The following BRD8 variants were observed in gnomAD, a reference collection of about 807,000 sequenced individuals.
BRD8 encodes the protein bromodomain containing 8.
A neutral mutation model predicts 143.1 loss-of-function variants in BRD8; 67 were observed. That is an observed-to-expected ratio of 0.47 (90% CI 0.38 to 0.57). BRD8 has a LOEUF of 0.57. BRD8 is among the 20% of genes least tolerant of loss of function. BRD8 has a pLI of 0.00. For synonymous variants in BRD8, 505 were observed against 517.1 expected (o/e 0.98, Z 0.32); for missense variants, 1,103 against 1,503.0 (o/e 0.73, Z 4.40).
intron 25 of BRD8, among the ~76,000 whole-genome samples, chr5:138,142,624 G>T (rs903040082): frequency 6.6e-6 from 1 of 151,860 alleles, no homozygotes; most frequent in African/African-American, 2.4e-5. Flanking sequence ...TTAGCTGGGC[G>T]TGGTGACGTG....
intron 17 of BRD8, among the ~76,000 whole-genome samples, chr5:138,161,461 G>A (rs1392358213): frequency 1.3e-5 from 2 of 152,032 alleles, no homozygotes; most frequent in African/African-American, 4.8e-5. Flanking sequence ...GACTACAAAT[G>A]CGCGACACCA....
At chr5:138,163,414 C>T in intron 14 of BRD8, 70 bp from the exon 15 acceptor site, 1 of 1,560,026 alleles carries the variant, frequency 6.4e-7, no homozygotes, top group South Asian at 1.1e-5. Flanking sequence ...TAAACATGAT[C>T]TGTCTTTTGG....
At chr5:138,170,479 A>G (rs773283903) in intron 6 of BRD8, 70 bp from the exon 7 acceptor site, 4 of 1,574,918 alleles carry the variant, frequency 2.5e-6, no homozygotes, top group Non-Finnish European at 3.5e-6. Context: ...GAACCCTTAC[A>G]AAGTAATTTT....
rs769959527 is a variant in BRD8, at chr5:138,167,939, G to A, written c.782C>T (p.Ala261Val). The A allele has an allele frequency of 3.7e-5, 60 of 1,613,656 alleles. No individual in the cohort carries two copies. The highest frequency in any genetic ancestry group is 7.7e-5 in the South Asian group (7 of 91,076). Residue 261 changes from alanine to valine, a missense_variant, in exon 9 of 27, where the codon GCA becomes GTA. Physicochemically the swap from Ala to Val is moderately conservative, Grantham distance 64. Coordinates refer to ENST00000254900, the MANE Select transcript of BRD8 (RefSeq NM_139199.2). ...AAGGAAAAGTGGTAACTTACCTGAT[G>A]CAGCAGGGGAGGCTGCAACAGTATT... Reference protein sequence around the residue: ...TPNTVAASPAASGAPTLSRLL... With the variant: ...TPNTVAASPAVSGAPTLSRLL...
chr5:138,161,648 A>T, intron 17 of BRD8, 148 bp downstream of exon 17: 1 of 688,716 alleles, frequency 1.5e-6, no homozygotes, highest in Non-Finnish European at 2.4e-6. Context: ...TGATCTAGCC[A>T]CTGGAATTAT....
chr5:138,177,344 A>T, intron 2 of BRD8: 1 of 302,512 alleles, frequency 3.3e-6, no homozygotes, highest in Non-Finnish European at 6.3e-6. Flanking sequence ...AGCCTGGCCA[A>T]CATGGCGAAA....
At chr5:138,167,304 T>C (rs1753518732) in intron 9 of BRD8, among the ~76,000 whole-genome samples, 1 of 151,772 alleles carries the variant, frequency 6.6e-6, no homozygotes. Flanking sequence ...AGGGTGGTAA[T>C]TTTTCCTCAG....
At chr5:138,175,605 T>C (rs1754255662) in intron 2 of BRD8, among the ~76,000 whole-genome samples, 1 of 150,404 alleles carries the variant, frequency 6.6e-6, no homozygotes, top group Non-Finnish European at 1.5e-5. Flanking sequence ...CTCAGGATGC[T>C]AAACTGGGAG....
At chr5:138,159,366 C>CCA (rs147319777) in intron 20 of BRD8, among the ~76,000 whole-genome samples, 189 bp downstream of exon 20, 177 of 150,408 alleles carry the variant, frequency 1.2e-3, no homozygotes, top group African/African-American at 2.9e-3. Flanking sequence ...CCTACCCAGC[C>CCA]CACACACACA....
chr5:138,165,313 G>C, intron 11 of BRD8, 147 bp from the exon 12 acceptor site: 1 of 813,754 alleles, frequency 1.2e-6, no homozygotes, highest in Non-Finnish European at 1.9e-6. Flanking sequence ...AGAGGCACCT[G>C]TCCTGTGCAA....
intron 8 of BRD8, 51 bp downstream of exon 8, chr5:138,169,171 C>A: frequency 6.3e-7 from 1 of 1,587,950 alleles, no homozygotes; most frequent in Non-Finnish European, 8.6e-7. Context: ...TCAGCTCTGC[C>A]GGCTTATTGC....
rs1210623530 is a variant in BRD8 at position 138,153,128 on chromosome 5, C to T, written c.2578-368G>A. On this transcript the variant is annotated intron_variant, in intron 20 of 26. Coordinates refer to ENST00000254900, the MANE Select transcript of BRD8 (RefSeq NM_139199.2). ...TTCCTCTAGCCCAAATCATCCATAACTAAACCGTAAGGCAAACAAATTGAG... is the reference window on the plus strand; with the variant it reads ...TTCCTCTAGCCCAAATCATCCATAATTAAACCGTAAGGCAAACAAATTGAG... 2.0e-5 allele frequency among the ~76,000 whole-genome samples: 3 copies of T among 152,192 alleles called. No homozygotes were observed. In the East Asian group the frequency reaches 5.8e-4, roughly 29 times the overall value.
intron 10 of BRD8, 76 bp from the exon 11 acceptor site, chr5:138,166,184 TACAG>T: frequency 1.0e-6 from 1 of 989,634 alleles, no homozygotes; most frequent in Non-Finnish European, 1.5e-6. Flanking sequence ...ACATAAGCGC[TACAG>T]ACAGATGTCA....
intron 22 of BRD8, 132 bp from the exon 23 acceptor site, chr5:138,149,929 T>G: frequency 1.2e-6 from 1 of 826,008 alleles, no homozygotes; most frequent in South Asian, 2.9e-5. Flanking sequence ...CAAAAGAAAT[T>G]AAAGAAAGCT....
intron 18 of BRD8, 40 bp downstream of exon 18, chr5:138,160,851 A>T: frequency 6.6e-7 from 1 of 1,522,612 alleles, no homozygotes; most frequent in Non-Finnish European, 8.8e-7. Context: ...GAAGTATTTT[A>T]ATTTCATCCT....
At chr5:138,164,295 G>A in intron 13 of BRD8, 25 bp downstream of exon 13, 1 of 1,609,374 alleles carries the variant, frequency 6.2e-7, no homozygotes, top group Non-Finnish European at 8.5e-7. Context: ...ATGATTTCAA[G>A]TCAGTGAAAG....
intron 6 of BRD8, 48 bp from the exon 7 acceptor site, chr5:138,170,457 CCA>C (rs746003977): frequency 1.2e-6 from 2 of 1,605,616 alleles, no homozygotes; most frequent in Non-Finnish European, 1.7e-6. Flanking sequence ...TGGCTCCTCC[CCA>C]GAGTTCACAG....
At position 138,145,840 on chromosome 5, in the gene BRD8, A is replaced by T. The variant is rs1471100635; in HGVS notation, c.3317T>A (p.Leu1106Ter). Residue 1106 changes from leucine (L) to a stop codon, truncating the protein, a stop_gained, in exon 24 of 27, where the codon TTG becomes TAG. Transcript: ENST00000254900. LOFTEE classifies it high-confidence loss of function. ...LSQDDPVQDH[L>*]LFKKTLLPVW... ...TGGCAGGAGAGTCTTCTTAAATAGC[A>T]AATGATCCTGAACAGGGTCATCCTG... 1.9e-6 allele frequency: 3 copies of T among 1,614,060 alleles called. No individual in the cohort carries two copies. The South Asian group carries it at 3.3e-5, about 18-fold the overall frequency.
At chr5:138,158,388 A>C (rs1752744852) in intron 20 of BRD8, among the ~76,000 whole-genome samples, 1 of 152,136 alleles carries the variant, frequency 6.6e-6, no homozygotes, top group Non-Finnish European at 1.5e-5. Flanking sequence ...TAGCTCTCCT[A>C]AGCTTATCTG....
Sources: allele counts gnomAD v4.1 joint callset (sites outside exome capture counted in the v4.1 genomes callset), GRCh38; gene constraint gnomAD v4.1.1; transcripts MANE v1.5; gene names NCBI Gene and HGNC (gene_info 2026-07-23, HGNC 2026-07-21).